PARD3: variants seen among roughly 807,000 people sequenced by gnomAD.
PARD3 encodes partitioning defective 3 homolog.
PARD3 carries 75 observed loss-of-function variants against 155.4 expected under a neutral mutation model. The ratio of observed to expected loss-of-function variants is 0.48; its 90% confidence interval spans 0.40 to 0.58. The LOEUF (loss-of-function observed/expected upper bound fraction) is 0.58, where lower values mean the gene tolerates loss of function less well. Among genes scored for constraint, PARD3 ranks in the 20% least tolerant of loss-of-function variants. The pLI is 0.00. For synonymous variants in PARD3, 576 were observed against 610.5 expected (o/e 0.94, Z 0.83); for missense variants, 1,642 against 1,721.7 (o/e 0.95, Z 0.82).
intron 1 of PARD3, among the ~76,000 whole-genome samples, chr10:34,725,528 T>C (rs7080111): frequency 0.31 from 47,810 of 152,044 alleles, 8,114 homozygotes; most frequent in Non-Finnish European, 0.38. Context: ...GCCATTCTGA[T>C]AAGCCAGGAT....
chr10:34,712,935 G>A (rs1219455314), intron 1 of PARD3, among the ~76,000 whole-genome samples: 1 of 152,170 alleles, frequency 6.6e-6, no homozygotes, highest in Non-Finnish European at 1.5e-5. Context: ...GAGGCCGGGC[G>A]CAGTGGCTCA....
chr10:34,657,528 T>TTTGTTTG (rs1564469196), intron 2 of PARD3, among the ~76,000 whole-genome samples: 146 of 150,352 alleles, frequency 9.7e-4, no homozygotes, highest in African/African-American at 3.5e-3. Flanking sequence ...CTCAGTTTTG[T>TTTGTTTG]TTTGTTTGTT....
intron 22 of PARD3, among the ~76,000 whole-genome samples, chr10:34,249,994 T>C (rs1302687678): frequency 6.6e-6 from 1 of 152,256 alleles, no homozygotes; most frequent in Non-Finnish European, 1.5e-5. Flanking sequence ...CGAGATGCTT[T>C]GTTCTTTCCA....
At chr10:34,305,491 A>C (rs1309682296) in intron 20 of PARD3, among the ~76,000 whole-genome samples, 2 of 152,228 alleles carry the variant, frequency 1.3e-5, no homozygotes, top group Non-Finnish European at 2.9e-5. Context: ...TAGAAACAGA[A>C]TCTTACACAA....
At chr10:34,752,311 AAT>A (rs748395429) in intron 1 of PARD3, among the ~76,000 whole-genome samples, 43 of 152,094 alleles carry the variant, frequency 2.8e-4, no homozygotes, top group Admixed American at 5.9e-4. Context: ...ATTAAAAAGA[AAT>A]ATGTGATAAA....
At chr10:34,239,182 T>C (rs1415247601) in intron 22 of PARD3, among the ~76,000 whole-genome samples, 1 of 152,244 alleles carries the variant, frequency 6.6e-6, no homozygotes, top group Non-Finnish European at 1.5e-5. Flanking sequence ...AACTGGTGAA[T>C]TACTAAGCTC....
intron 2 of PARD3, among the ~76,000 whole-genome samples, chr10:34,680,908 A>G (rs1289981415): frequency 6.6e-6 from 1 of 151,166 alleles, no homozygotes; most frequent in Non-Finnish European, 1.5e-5. Context: ...TGGGTGCAGC[A>G]CACCAGCATG....
chr10:34,361,895 T>C (rs187593953), intron 12 of PARD3, among the ~76,000 whole-genome samples: 207 of 152,064 alleles, frequency 1.4e-3, no homozygotes, highest in Admixed American at 2.2e-3. Flanking sequence ...AAATACAGAG[T>C]AATAGTCATG....
Position 34,543,008 on chromosome 10 carries a change from G to A in PARD3, c.223-25849C>T, listed in dbSNP as rs2083758273. ...TTAGGATTGACTTAAAAAATTCTAA[G>A]ATGATATGAAAGTGTCCAAATAACT... On this transcript the variant is annotated intron_variant, in intron 2 of 24. Coordinates refer to ENST00000374788, the MANE Select transcript of PARD3 (RefSeq NM_001184785.2). Among the ~76,000 whole-genome samples the A allele has an allele frequency of 2.0e-5, 3 of 152,128 alleles. No homozygotes were observed. In the South Asian group the frequency reaches 6.2e-4, roughly 31 times the overall value.
Position 34,110,965 on chromosome 10 carries a change from T to A in PARD3, c.*204A>T. 2.0e-6 allele frequency: 1 copy of A among 495,388 alleles called. No homozygotes were observed. Among genetic ancestry groups the A allele is most frequent in the Non-Finnish European group, 3.5e-6 (1 of 287,690 alleles). 30.7% of individuals were successfully genotyped at this position (495,388 alleles called of 1,614,324 possible). A position where few individuals can be genotyped will look rare whatever the true frequency, so the allele number is the denominator to read the frequency against. ...CAGATGATTGTCACAGGGTGGGAAA[T>A]CCTTCCATGAAACAGACACTTGAGA... is the stretch of plus-strand genomic sequence containing the variant. On this transcript the variant is annotated 3_prime_UTR_variant, in exon 25 of 25. Coordinates refer to ENST00000374788, the MANE Select transcript of PARD3 (RefSeq NM_001184785.2).
intron 22 of PARD3, among the ~76,000 whole-genome samples, chr10:34,197,879 G>A (rs571660115): frequency 3.9e-5 from 6 of 152,262 alleles, no homozygotes; most frequent in African/African-American, 4.8e-5. Context: ...ACAGGCGCAC[G>A]CCACCACGCC....
At chr10:34,310,572 G>A (rs896600262) in intron 20 of PARD3, among the ~76,000 whole-genome samples, 1 of 152,238 alleles carries the variant, frequency 6.6e-6, no homozygotes, top group Admixed American at 6.5e-5. Context: ...AGGCCCAGCC[G>A]TCATGCTTTG....
intron 2 of PARD3, among the ~76,000 whole-genome samples, chr10:34,597,109 A>C (rs1231622365): frequency 2.0e-5 from 3 of 152,090 alleles, no homozygotes; most frequent in Non-Finnish European, 4.4e-5. Flanking sequence ...TTAGTACTGA[A>C]AGGCATTAGC....
chr10:34,660,446 A>G (rs2093292834), intron 2 of PARD3, among the ~76,000 whole-genome samples: 1 of 152,130 alleles, frequency 6.6e-6, no homozygotes, highest in Admixed American at 6.6e-5. Context: ...TCTTTAACAC[A>G]GGGGTATTTT....
At chr10:34,423,710 G>C (rs1189231354) in intron 5 of PARD3, among the ~76,000 whole-genome samples, 1 of 151,600 alleles carries the variant, frequency 6.6e-6, no homozygotes, top group African/African-American at 2.4e-5. Context: ...ACTGAATTTG[G>C]GCATGTTTAA....
At chr10:34,280,781 G>T (rs1331589744) in intron 21 of PARD3, among the ~76,000 whole-genome samples, 1 of 152,146 alleles carries the variant, frequency 6.6e-6, no homozygotes, top group African/African-American at 2.4e-5. Flanking sequence ...AAAGCAAAAA[G>T]TGAGGGGTTG....
At chr10:34,198,613 G>T (rs1424495460) in intron 22 of PARD3, among the ~76,000 whole-genome samples, 2 of 151,906 alleles carry the variant, frequency 1.3e-5, no homozygotes, top group African/African-American at 4.8e-5. Flanking sequence ...AATGAATGCT[G>T]CCACCTTATT....
At chr10:34,441,485 T>C (rs1197312579) in intron 5 of PARD3, among the ~76,000 whole-genome samples, 1 of 152,220 alleles carries the variant, frequency 6.6e-6, no homozygotes, top group Non-Finnish European at 1.5e-5. Context: ...GACACACTCA[T>C]TGGAGGGACA....
At chr10:34,728,437 T>C (rs941529060) in intron 1 of PARD3, among the ~76,000 whole-genome samples, 5 of 152,232 alleles carry the variant, frequency 3.3e-5, no homozygotes, top group Admixed American at 2.6e-4. Context: ...AGAACTGCAA[T>C]GACGCAGGGG....
Sources: allele counts gnomAD v4.1 joint callset (sites outside exome capture counted in the v4.1 genomes callset), GRCh38; gene constraint gnomAD v4.1.1; transcripts MANE v1.5; gene names NCBI Gene and HGNC (gene_info 2026-07-23, HGNC 2026-07-21).